The following CSMD2 variants were observed in gnomAD, a reference collection of about 807,000 sequenced individuals.
The protein encoded by CSMD2 is CUB and sushi domain-containing protein 2.
Under a neutral mutation model 398.5 loss-of-function variants are expected in CSMD2, and 130 were observed. That is an observed-to-expected ratio of 0.33 (90% confidence interval 0.28 to 0.38). CSMD2 has a LOEUF of 0.38. CSMD2 is among the 10% of genes least tolerant of loss of function. CSMD2 has a pLI of 1.00. For missense variants in CSMD2, 3,829 were observed against 4,764.9 expected (o/e 0.80, Z 5.78); for synonymous variants, 1,828 against 1,908.5 (o/e 0.96, Z 1.10).
At chr1:33,709,372 C>CAGGTAGA in intron 21 of CSMD2, 114 bp from the exon 22 acceptor site, 2 of 848,034 alleles carry the variant, frequency 2.4e-6, no homozygotes, top group African/African-American at 1.7e-5. Context: ...TGTCTACCTG[C>CAGGTAGA]CAAGGTGCCT....
chr1:33,580,828 A>T lies in CSMD2; in HGVS notation c.7312T>A (p.Ser2438Thr). Residue 2438 changes from serine to threonine, a missense_variant, in exon 48 of 71, where the codon TCA becomes ACA. Around this residue, in one of 5 missense-constraint regions of CSMD2, gnomAD observed 723 missense variants for 758.6 expected, o/e 0.95. Coordinates refer to ENST00000373381, the MANE Select transcript of CSMD2 (RefSeq NM_001281956.2). Reference protein sequence around the residue: ...NYSAPLIVTSSSNSVYLRWSS... With the variant: ...NYSAPLIVTSTSNSVYLRWSS... ...CAACGCAGGTACACAGAGTTGCTTG[A>T]GCTGGTGACAATCAGGGGAGCTGAG... The T allele has an allele frequency of 6.2e-7, 1 of 1,614,092 alleles. No individual in the cohort carries two copies. Among genetic ancestry groups the T allele is most frequent in the Non-Finnish European group, 8.5e-7 (1 of 1,180,012 alleles).
intron 9 of CSMD2, among the ~76,000 whole-genome samples, chr1:33,818,395 G>T (rs1432675839): frequency 6.6e-6 from 1 of 152,154 alleles, no homozygotes; most frequent in Non-Finnish European, 1.5e-5. Context: ...TGTTCTACTG[G>T]CATGAGGATA....
At chr1:33,603,485 C>G (rs1640371190) in intron 42 of CSMD2, among the ~76,000 whole-genome samples, 1 of 152,086 alleles carries the variant, frequency 6.6e-6, no homozygotes, top group Non-Finnish European at 1.5e-5. Context: ...AGAGAGAATC[C>G]CAACAGATTC....
At chr1:33,928,979 T>C (rs1056782149) in intron 4 of CSMD2, among the ~76,000 whole-genome samples, 5 of 152,182 alleles carry the variant, frequency 3.3e-5, no homozygotes, top group Non-Finnish European at 5.9e-5. Context: ...ATGCCCCCAT[T>C]TGGATGTCTC....
intron 41 of CSMD2, chr1:33,606,062 C>T (rs1267473322): frequency 4.5e-5 from 69 of 1,531,056 alleles, no homozygotes; most frequent in Non-Finnish European, 2.2e-5. Context: ...AAGCAAGTCC[C>T]TCCAAAGGGC....
chr1:33,771,854 T>C (rs1557869000), intron 13 of CSMD2, among the ~76,000 whole-genome samples: 1 of 152,204 alleles, frequency 6.6e-6, no homozygotes, highest in Non-Finnish European at 1.5e-5. Flanking sequence ...GAAATTTTGA[T>C]TTCCCACAGA....
In CSMD2 at chr1:33,518,621, T is replaced by C. The variant is rs1282580853; in HGVS notation, c.*53+844A>G. On this transcript the variant is annotated intron_variant, in intron 70 of 70. Transcript: ENST00000373381. This position sits in a 1 kb window ranked among gnomAD's most constrained non-coding sequence, Gnocchi z 4.3. ...ATCAGTAGACTTTGAGTCTCCATAA[T>C]GTGTGTGGGCCTCGTTCAATCAGCT... 6.6e-6 allele frequency among the ~76,000 whole-genome samples: 1 copy of C among 152,132 alleles called. No homozygotes were observed. The highest frequency in any genetic ancestry group is 1.5e-5 in the Non-Finnish European group (1 of 68,028).
chr1:33,690,564 A>G (rs1645201917), intron 25 of CSMD2, among the ~76,000 whole-genome samples: 1 of 152,208 alleles, frequency 6.6e-6, no homozygotes, highest in African/African-American at 2.4e-5. Flanking sequence ...TGTGAATATG[A>G]GGGAATGAAT....
intron 5 of CSMD2, among the ~76,000 whole-genome samples, chr1:33,914,446 A>G (rs561446449): frequency 1.3e-5 from 2 of 151,196 alleles, no homozygotes; most frequent in Non-Finnish European, 3.0e-5. Context: ...GCACACATGT[A>G]TGTGTAGTCA....
At chr1:33,729,267 T>C (rs1454556448) in intron 15 of CSMD2, among the ~76,000 whole-genome samples, 1 of 152,142 alleles carries the variant, frequency 6.6e-6, no homozygotes, top group Non-Finnish European at 1.5e-5. Flanking sequence ...AATCCCTTCC[T>C]TTGGCGGTCA....
At chr1:33,781,320 G>A (rs765897069) in intron 12 of CSMD2, among the ~76,000 whole-genome samples, 18 of 152,184 alleles carry the variant, frequency 1.2e-4, no homozygotes, top group Non-Finnish European at 2.4e-4. Context: ...CTCCCCTGAT[G>A]CCCTTGAGCA....
At chr1:33,904,840 G>A (rs965494801) in intron 5 of CSMD2, among the ~76,000 whole-genome samples, 6 of 152,100 alleles carry the variant, frequency 3.9e-5, no homozygotes, top group Non-Finnish European at 5.9e-5. Context: ...TAGACATGGG[G>A]TTTCACCGTG....
intron 5 of CSMD2, among the ~76,000 whole-genome samples, chr1:33,902,390 T>C (rs926982402): frequency 1.3e-5 from 2 of 152,184 alleles, no homozygotes; most frequent in Non-Finnish European, 2.9e-5. Context: ...CTTCACTCTT[T>C]GATGTCCTTC....
At chr1:33,717,402 A>C (rs913431275) in intron 19 of CSMD2, among the ~76,000 whole-genome samples, 4 of 151,980 alleles carry the variant, frequency 2.6e-5, no homozygotes, top group Admixed American at 2.6e-4. Flanking sequence ...GGAGATGGCC[A>C]TGAGCCTTCA....
chr1:33,988,490 C>A (rs1646436185), intron 3 of CSMD2, among the ~76,000 whole-genome samples: 1 of 152,220 alleles, frequency 6.6e-6, no homozygotes, highest in South Asian at 2.1e-4. Context: ...GTTGCCCTCT[C>A]TGTTTCATTC....
chr1:33,667,399 T>A (rs1477759491), intron 25 of CSMD2, among the ~76,000 whole-genome samples: 1 of 152,206 alleles, frequency 6.6e-6, no homozygotes, highest in Non-Finnish European at 1.5e-5. Flanking sequence ...ACTAGTCTCA[T>A]CTTTAACAAT....
chr1:33,691,730 T>A (rs775523926), intron 25 of CSMD2, among the ~76,000 whole-genome samples: 1 of 152,166 alleles, frequency 6.6e-6, no homozygotes, highest in African/African-American at 2.4e-5. Context: ...GGACCGACGC[T>A]GCTCAAGAAC....
Position 33,601,006 on chromosome 1 carries a change from C to A in CSMD2, c.6715G>T (p.Gly2239Trp). 6.2e-7 allele frequency: 1 copy of A among 1,614,182 alleles called. No homozygotes were observed. The highest frequency in any genetic ancestry group is 8.5e-7 in the Non-Finnish European group (1 of 1,180,032). ...AGCCGTGGTGCTGTTTGCTGTGGCC[C>A]ATCCCTGTACACAGGAAACAAGGTC... ...PSGDFITIWD[G>W]PQQTAPRLGV... The change falls in exon 44 of 71, where the codon GGG (glycine) becomes TGG (tryptophan). Residue 2239 changes from glycine (G) to tryptophan (W), a missense_variant. Physicochemically the swap from Gly to Trp is radical, Grantham distance 184. Coordinates refer to ENST00000373381, the MANE Select transcript of CSMD2 (RefSeq NM_001281956.2).
chr1:33,851,915 C>A (rs962217312), intron 5 of CSMD2, among the ~76,000 whole-genome samples: 2 of 152,050 alleles, frequency 1.3e-5, no homozygotes, highest in Non-Finnish European at 2.9e-5. Flanking sequence ...CCCTCAGCCT[C>A]CCAAGGCTTT....
Sources: gnomAD v4.1 joint callset for allele counts (sites outside exome capture counted in the v4.1 genomes callset) on GRCh38, gnomAD v4.1.1 for gene constraint, gnomAD v4.1.1 regional missense constraint, Gnocchi (gnomAD v3.1) non-coding constraint, MANE v1.5 for transcripts, NCBI Gene and HGNC (gene_info 2026-07-23, HGNC 2026-07-21) for gene names.